The following VPS13C variants were observed in gnomAD, a reference collection of about 807,000 sequenced individuals.
VPS13C encodes the protein vacuolar protein sorting 13 homolog C.
Under a neutral mutation model 456.8 loss-of-function variants are expected in VPS13C, and 358 were observed. That is an observed-to-expected ratio of 0.78 (90% CI 0.72 to 0.86). VPS13C has a LOEUF of 0.86. Among genes scored for constraint, VPS13C ranks in the 40% least tolerant of loss-of-function variants. VPS13C has a pLI of 0.00. For synonymous variants in VPS13C, 1,578 were observed against 1,486.7 expected (o/e 1.06, Z -1.41); for missense variants, 4,818 against 4,385.4 (o/e 1.10, Z -2.79).
intron 56 of VPS13C, 22 bp downstream of exon 56, chr15:61,920,476 T>C (rs1344083357): frequency 3.3e-6 from 5 of 1,510,954 alleles, no homozygotes; most frequent in Non-Finnish European, 4.4e-6. Flanking sequence ...CTTGAAATAT[T>C]CTAAGCAAGA....
chr15:61,904,361 AAAG>A (rs2043094143), intron 66 of VPS13C, among the ~76,000 whole-genome samples: 1 of 152,046 alleles, frequency 6.6e-6, no homozygotes, highest in African/African-American at 2.4e-5. Flanking sequence ...GCATATCTCA[AAAG>A]AAGACATACA....
At chr15:61,955,225 A>G (rs1466372235) in intron 37 of VPS13C, among the ~76,000 whole-genome samples, 2 of 152,182 alleles carry the variant, frequency 1.3e-5, no homozygotes, top group African/African-American at 4.8e-5. Flanking sequence ...TAAGGTCTGT[A>G]TATGGACTGT....
intron 52 of VPS13C, among the ~76,000 whole-genome samples, chr15:61,926,799 C>A (rs1339147863): frequency 6.6e-6 from 1 of 152,050 alleles, no homozygotes; most frequent in Non-Finnish European, 1.5e-5. Flanking sequence ...CCACGGTGAA[C>A]AAAAGAAACA....
chr15:61,870,124 T>C (rs879561320), intron 79 of VPS13C, among the ~76,000 whole-genome samples: 1 of 152,212 alleles, frequency 6.6e-6, no homozygotes, highest in Non-Finnish European at 1.5e-5. Context: ...TAGGATAAAT[T>C]AGCTTTTAGT....
At chr15:61,897,818 C>A (rs368239564) in intron 66 of VPS13C, among the ~76,000 whole-genome samples, 10 of 151,970 alleles carry the variant, frequency 6.6e-5, no homozygotes, top group East Asian at 5.8e-4. Flanking sequence ...ACCAAAGTTG[C>A]AATGAAGGAA....
At position 61,959,358 on chromosome 15, in the gene VPS13C, A is replaced by G. The variant is rs986623677; in HGVS notation, c.4056+90T>C. The G allele has an allele frequency of 2.5e-5, 30 of 1,197,024 alleles. No individual in the cohort carries two copies. In the African/African-American group the frequency reaches 4.6e-4, roughly 18 times the overall value. The allele number at this position is 1,197,024 out of a possible 1,614,324, so 74.2% of individuals were successfully genotyped here. ...GAAATTTCTCTTATACTATTCAGCA[A>G]AAGAGTCTACATTTCATTTGGATTT... On this transcript the variant is annotated intron_variant, in intron 36 of 84. Coordinates refer to ENST00000644861, the MANE Select transcript of VPS13C (RefSeq NM_020821.3).
At position 61,931,083 on chromosome 15, in the gene VPS13C, G is replaced by A; in HGVS notation, c.6038+7C>T. On this transcript the variant is annotated splice_region_variant and intron_variant, in intron 50 of 84. Coordinates refer to ENST00000644861, the MANE Select transcript of VPS13C (RefSeq NM_020821.3). Reference sequence around the variant, plus strand: ...AATAATGTATTGCAAACTCAGAGCTGACAAACCTCGATGTTGCTCTCTCAA... The same window carrying A: ...AATAATGTATTGCAAACTCAGAGCTAACAAACCTCGATGTTGCTCTCTCAA... The A allele has an allele frequency of 1.2e-6, 2 of 1,613,846 alleles. No individual in the cohort carries two copies. Among genetic ancestry groups the A allele is most frequent in the Non-Finnish European group, 1.7e-6 (2 of 1,179,996 alleles).
chr15:61,926,578 T>C (rs2043856955), intron 52 of VPS13C, among the ~76,000 whole-genome samples: 1 of 152,238 alleles, frequency 6.6e-6, no homozygotes, highest in Non-Finnish European at 1.5e-5. Flanking sequence ...TCACATAATA[T>C]AATGATTCTC....
Position 62,012,028 on chromosome 15 carries a change from T to C in VPS13C, c.883+79A>G, listed in dbSNP as rs2047058254. The stretch of plus-strand genomic sequence containing the variant: ...AATATACTTTGACTAAGTAAGTTTA[T>C]CAGAAAACTATGTTAAAATAATGTA... On this transcript the variant is annotated intron_variant, in intron 12 of 84. Transcript: ENST00000644861. 31 of 882,322 alleles carry C rather than the reference T, an allele frequency of 3.5e-5. No homozygotes were observed. In the South Asian group the frequency reaches 4.5e-4, roughly 13 times the overall value. 54.7% of individuals were successfully genotyped at this position (882,322 alleles called of 1,614,324 possible).
chr15:62,056,000 CAA>C (rs1371571729), intron 1 of VPS13C, among the ~76,000 whole-genome samples: 1 of 152,144 alleles, frequency 6.6e-6, no homozygotes, highest in Non-Finnish European at 1.5e-5. Context: ...GTGTGGCAAC[CAA>C]AAAGTCTCAG....
chr15:61,973,111 T>C (rs1204895478), intron 26 of VPS13C, among the ~76,000 whole-genome samples: 1 of 152,168 alleles, frequency 6.6e-6, no homozygotes, highest in Non-Finnish European at 1.5e-5. Context: ...CATGGTCCTG[T>C]CCTGATGAAG....
chr15:62,033,598 C>G, intron 4 of VPS13C, 56 bp from the exon 5 acceptor site: 3 of 1,293,246 alleles, frequency 2.3e-6, no homozygotes, highest in Non-Finnish European at 3.2e-6. Flanking sequence ...AATAAACAAA[C>G]GGAAAAAGTT....
chr15:61,855,998 TA>T (rs79726912), intron 83 of VPS13C, among the ~76,000 whole-genome samples: 4 of 148,304 alleles, frequency 2.7e-5, no homozygotes, highest in African/African-American at 5.0e-5. Flanking sequence ...CATATGAAGT[TA>T]AAAAAAAAAC....
intron 1 of VPS13C, among the ~76,000 whole-genome samples, chr15:62,047,070 AT>A (rs1220796284): frequency 3.3e-5 from 5 of 151,926 alleles, no homozygotes; most frequent in Non-Finnish European, 7.4e-5. Flanking sequence ...CGATTTAAAT[AT>A]TTTTTATATA....
At chr15:61,896,764 C>G (rs1400814425) in intron 66 of VPS13C, among the ~76,000 whole-genome samples, 3 of 152,208 alleles carry the variant, frequency 2.0e-5, no homozygotes, top group Non-Finnish European at 4.4e-5. Flanking sequence ...CTCAAGGAGG[C>G]CTGCCTGCCT....
intron 66 of VPS13C, among the ~76,000 whole-genome samples, chr15:61,899,586 C>T (rs1404546105): frequency 6.7e-6 from 1 of 149,478 alleles, no homozygotes; most frequent in Non-Finnish European, 1.5e-5. Context: ...TCTGAATAGA[C>T]CAATAACAGG....
chr15:61,985,498 C>T (rs1325398055), intron 18 of VPS13C, among the ~76,000 whole-genome samples: 1 of 152,138 alleles, frequency 6.6e-6, no homozygotes, highest in Non-Finnish European at 1.5e-5. Flanking sequence ...CTCAGGTGAT[C>T]TGCCCACCTC....
chr15:61,990,949 T>C, intron 18 of VPS13C, 51 bp downstream of exon 18: 1 of 1,236,076 alleles, frequency 8.1e-7, no homozygotes, highest in South Asian at 1.3e-5. Flanking sequence ...TCCAATTCAA[T>C]CTAATATAGT....
At chr15:62,039,035 A>G (rs560202135) in intron 3 of VPS13C, among the ~76,000 whole-genome samples, 1 of 152,212 alleles carries the variant, frequency 6.6e-6, no homozygotes, top group African/African-American at 2.4e-5. Context: ...TATGGAAAAC[A>G]GTACGGAGAT....
Sources: allele counts gnomAD v4.1 joint callset (sites outside exome capture counted in the v4.1 genomes callset), GRCh38; gene constraint gnomAD v4.1.1; transcripts MANE v1.5; gene names NCBI Gene and HGNC (gene_info 2026-07-23, HGNC 2026-07-21).